LYPD6: variants seen among roughly 807,000 people sequenced by gnomAD.
LYPD6 encodes LY6/PLAUR domain containing 6.
Under a neutral mutation model 22.7 loss-of-function variants are expected in LYPD6, and 15 were observed. That is an observed-to-expected ratio of 0.66 (90% confidence interval 0.44 to 1.02). The LOEUF is 1.02. LYPD6 is among the 50% of genes least tolerant of loss of function. The pLI is 0.00. For synonymous variants in LYPD6, 72 were observed against 77.5 expected (o/e 0.93, Z 0.37); for missense variants, 189 against 208.4 (o/e 0.91, Z 0.57).
At chr2:149,360,511 G>A (rs989525115) in intron 1 of LYPD6, among the ~76,000 whole-genome samples, 2 of 152,092 alleles carry the variant, frequency 1.3e-5, no homozygotes, top group African/African-American at 2.4e-5. Flanking sequence ...ACAGTATTCA[G>A]CTAGTCATCG....
At chr2:149,364,110 A>C (rs1681618041) in intron 1 of LYPD6, among the ~76,000 whole-genome samples, 2 of 152,170 alleles carry the variant, frequency 1.3e-5, no homozygotes, top group African/African-American at 4.8e-5. Context: ...GCTTTTCAGA[A>C]GGGCTTTGAG....
intron 1 of LYPD6, among the ~76,000 whole-genome samples, chr2:149,427,643 T>C (rs1354289301): frequency 1.3e-5 from 2 of 152,222 alleles, no homozygotes; most frequent in African/African-American, 4.8e-5. Flanking sequence ...AATGACCGCA[T>C]AATGACATTT....
At position 149,387,802 on chromosome 2, in the gene LYPD6, T is replaced by C. The variant is rs951289875; in HGVS notation, c.-71-49836T>C. 3.9e-5 allele frequency among the ~76,000 whole-genome samples: 6 copies of C among 152,198 alleles called. No individual in the cohort carries two copies. The East Asian group carries it at 1.2e-3, about 29-fold the overall frequency. ...ATGGAGAAGATGGGAACGTGTACTT[T>C]TATCAAGAGTTGGAGCATCTTCTCA... On this transcript the variant is annotated intron_variant, in intron 1 of 4. Coordinates refer to ENST00000334166, the MANE Select transcript of LYPD6 (RefSeq NM_194317.5).
chr2:149,331,010 C>A (rs572025019), intron 1 of LYPD6, among the ~76,000 whole-genome samples: 108 of 152,294 alleles, frequency 7.1e-4, no homozygotes, highest in African/African-American at 2.6e-3. Context: ...CAGGAGCTGC[C>A]AAGTTCAAGG....
At chr2:149,481,591 G>A in the LYPD6 span, among the ~76,000 whole-genome samples, 90 of 152,252 alleles carry the variant, frequency 5.9e-4, no homozygotes, top group Non-Finnish European at 8.8e-5. Flanking sequence ...ATACATGAAA[G>A]TAAGGGAATA....
chr2:149,435,709 G>A (rs752523622), intron 1 of LYPD6, among the ~76,000 whole-genome samples: 7 of 152,210 alleles, frequency 4.6e-5, no homozygotes, highest in Non-Finnish European at 7.3e-5. Flanking sequence ...ACAGTGCCTG[G>A]CAGTCACATT....
chr2:149,386,423 GT>G (rs1030051941), intron 1 of LYPD6, among the ~76,000 whole-genome samples: 33 of 152,310 alleles, frequency 2.2e-4, no homozygotes, highest in Non-Finnish European at 4.3e-4. Flanking sequence ...GCTAGAAACT[GT>G]TCTCTCCACA....
At chr2:149,333,285 G>T (rs577835271) in intron 1 of LYPD6, among the ~76,000 whole-genome samples, 1 of 152,302 alleles carries the variant, frequency 6.6e-6, no homozygotes, top group South Asian at 2.1e-4. Flanking sequence ...ACAGATATCT[G>T]CCTATCTGAT....
At chr2:149,457,044 G>A (rs1275276634) in intron 3 of LYPD6, among the ~76,000 whole-genome samples, 1 of 152,154 alleles carries the variant, frequency 6.6e-6, no homozygotes, top group African/African-American at 2.4e-5. Flanking sequence ...TTTACAGCGT[G>A]TTTGTACAAA....
At chr2:149,441,876 A>T (rs908501931) in intron 2 of LYPD6, among the ~76,000 whole-genome samples, 1 of 152,034 alleles carries the variant, frequency 6.6e-6, no homozygotes, top group Non-Finnish European at 1.5e-5. Flanking sequence ...AGAATATCCA[A>T]TTTTCCTCTG....
At chr2:149,415,460 T>C (rs1040063671) in intron 1 of LYPD6, among the ~76,000 whole-genome samples, 1 of 152,014 alleles carries the variant, frequency 6.6e-6, no homozygotes, top group Non-Finnish European at 1.5e-5. Flanking sequence ...CTAGAGATGG[T>C]ACAGGCACAT....
At chr2:149,334,293 A>G (rs1409447419) in intron 1 of LYPD6, among the ~76,000 whole-genome samples, 7 of 152,204 alleles carry the variant, frequency 4.6e-5, no homozygotes, top group Non-Finnish European at 8.8e-5. Flanking sequence ...AACGATAATG[A>G]AAGTCCCTTA....
intron 2 of LYPD6, among the ~76,000 whole-genome samples, chr2:149,438,310 A>G (rs985176641): frequency 2.0e-5 from 3 of 152,332 alleles, no homozygotes; most frequent in South Asian, 2.1e-4. Flanking sequence ...GCTTAATAAC[A>G]TAGATGCCCA....
At chr2:149,430,711 A>G (rs1435020432) in intron 1 of LYPD6, among the ~76,000 whole-genome samples, 1 of 152,234 alleles carries the variant, frequency 6.6e-6, no homozygotes, top group African/African-American at 2.4e-5. Flanking sequence ...ATAATTGCGT[A>G]TATACTGACT....
chr2:149,412,998 T>TA (rs1473677638), intron 1 of LYPD6, among the ~76,000 whole-genome samples: 1 of 152,188 alleles, frequency 6.6e-6, no homozygotes, highest in Non-Finnish European at 1.5e-5. Context: ...AGGTTTCTGA[T>TA]ATTTATATTT....
chr2:149,461,727 A>G lies in LYPD6; in HGVS notation c.218-6918A>G, dbSNP rs527566380. ...ACCATGACAAAGTGGGGCTTAGTCC[A>G]TGGATACAAGGCTGGTTTAATCTCT... On this transcript the variant is annotated intron_variant, in intron 3 of 4. Transcript: ENST00000334166. 2.0e-5 allele frequency among the ~76,000 whole-genome samples: 3 copies of G among 152,140 alleles called. No individual in the cohort carries two copies. In the East Asian group the frequency reaches 5.8e-4, roughly 29 times the overall value.
intron 1 of LYPD6, among the ~76,000 whole-genome samples, chr2:149,408,414 C>T (rs1682775711): frequency 6.6e-6 from 1 of 152,226 alleles, no homozygotes; most frequent in Non-Finnish European, 1.5e-5. Context: ...ATTGAATTTC[C>T]CAGGTGTTCT....
chr2:149,372,225 A>G (rs1224497600), intron 1 of LYPD6, among the ~76,000 whole-genome samples: 8 of 152,148 alleles, frequency 5.3e-5, no homozygotes, highest in Non-Finnish European at 1.2e-4. Flanking sequence ...GCCCATCCTC[A>G]TTAATTCCTA....
intron 1 of LYPD6, among the ~76,000 whole-genome samples, chr2:149,401,829 G>A (rs1278165588): frequency 2.0e-5 from 3 of 152,008 alleles, no homozygotes; most frequent in African/African-American, 4.8e-5. Context: ...AGTGTACACT[G>A]TACCCACTGC....
Sources: allele counts gnomAD v4.1 joint callset (sites outside exome capture counted in the v4.1 genomes callset), GRCh38; gene constraint gnomAD v4.1.1; transcripts MANE v1.5; gene names NCBI Gene and HGNC (gene_info 2026-07-23, HGNC 2026-07-21).